Variants in LTBP1 observed in about 807,000 individuals in gnomAD.
The protein encoded by LTBP1 is latent-transforming growth factor beta-binding protein 1.
A neutral mutation model predicts 207.6 loss-of-function variants in LTBP1; 129 were observed. The observed-to-expected ratio is 0.62, with a 90% CI of 0.54 to 0.72. The LOEUF (loss-of-function observed/expected upper bound fraction) is 0.72. LTBP1 is among the 30% of genes least tolerant of loss of function. The pLI is 0.00. For synonymous variants in LTBP1, 963 were observed against 833.7 expected (o/e 1.16, Z -2.67); for missense variants, 2,281 against 2,217.2 (o/e 1.03, Z -0.58).
In LTBP1 at chr2:33,275,023, C is replaced by T. The variant is rs1029326672; in HGVS notation, c.2802C>T (p.Thr934=). The change falls in exon 17 of 34, where the codon ACC becomes ACT. Residue 934 remains threonine, a synonymous_variant. Coordinates refer to ENST00000404816, the MANE Select transcript of LTBP1 (RefSeq NM_206943.4). ...HLCSQGRCEN[T]EGSFLCICPA... ...GCTCCCAGGGCCGCTGTGAAAACAC[C>T]GAGGGAAGTTTCTTGTGCATTTGCC... The T allele has an allele frequency of 1.1e-5, 18 of 1,613,900 alleles. No homozygotes were observed. Among genetic ancestry groups the T allele is most frequent in the East Asian group, 4.5e-5 (2 of 44,884 alleles).
chr2:33,090,217 T>C (rs569222466), intron 3 of LTBP1, among the ~76,000 whole-genome samples: 38 of 152,352 alleles, frequency 2.5e-4, no homozygotes, highest in African/African-American at 7.5e-4. Context: ...ATTTGAGTAA[T>C]TGGACGGAGT....
intron 24 of LTBP1, among the ~76,000 whole-genome samples, chr2:33,332,564 T>C (rs554650135): frequency 1.4e-5 from 2 of 145,694 alleles, no homozygotes; most frequent in Admixed American, 6.9e-5. Flanking sequence ...ATTTATTTAA[T>C]TTTTTTTTTT....
intron 31 of LTBP1, among the ~76,000 whole-genome samples, chr2:33,380,213 C>T (rs2095195988): frequency 6.6e-6 from 1 of 152,066 alleles, no homozygotes; most frequent in African/African-American, 2.4e-5. Flanking sequence ...GTGGTGATTA[C>T]CTTATATTAC....
Position 33,204,770 on chromosome 2 carries a change from A to G in LTBP1, c.1702-12782A>G, listed in dbSNP as rs866803946. 5.3e-5 allele frequency among the ~76,000 whole-genome samples: 8 copies of G among 152,292 alleles called. No homozygotes were observed. In the South Asian group the frequency reaches 8.3e-4, roughly 16 times the overall value. Reference sequence around the variant, plus strand: ...ATGGGGCAAGCCTCTTCGTAAGACAATGCATTTTTAGAAAACTGATAGCTG... The same window carrying G: ...ATGGGGCAAGCCTCTTCGTAAGACAGTGCATTTTTAGAAAACTGATAGCTG... On this transcript the variant is annotated intron_variant, in intron 7 of 33. Transcript: ENST00000404816.
rs1469125010 is a variant in LTBP1 at position 33,182,687 on chromosome 2, G to GAGATATATAT, written c.1202-4168_1202-4167insGATATATATA. Among the ~76,000 whole-genome samples, 157 of 67,000 alleles carry GAGATATATAT rather than the reference G, an allele frequency of 2.3e-3. 15 individuals carry two copies. The highest frequency in any genetic ancestry group is 7.1e-3 in the African/African-American group (119 of 16,814). 44.0% of individuals were successfully genotyped at this position (67,000 alleles called of 152,430 possible). A position where few individuals can be genotyped will look rare whatever the true frequency, so the allele number is the denominator to read the frequency against. Reference sequence around the variant, plus strand: ...AAAAAAAAAAAGAAGAAAAGATGGTGATATATATATATACACACACACACA... The same window carrying GAGATATATAT: ...AAAAAAAAAAAGAAGAAAAGATGGTGAGATATATATATATATATATATACACACACACACA... On this transcript the variant is annotated intron_variant, in intron 5 of 33. Coordinates refer to ENST00000404816, the MANE Select transcript of LTBP1 (RefSeq NM_206943.4).
chr2:33,006,178 C>G (rs1270381825), intron 2 of LTBP1, among the ~76,000 whole-genome samples: 1 of 152,090 alleles, frequency 6.6e-6, no homozygotes, highest in African/African-American at 2.4e-5. Context: ...TCATCTTAGC[C>G]TCCCAGAGTG....
At chr2:33,040,713 G>T (rs1174698264) in intron 3 of LTBP1, among the ~76,000 whole-genome samples, 1 of 152,196 alleles carries the variant, frequency 6.6e-6, no homozygotes, top group Non-Finnish European at 1.5e-5. Context: ...CTTGTGACAG[G>T]AGACATTCAG....
chr2:33,219,199 C>G (rs1389417914), intron 8 of LTBP1, among the ~76,000 whole-genome samples: 1 of 152,114 alleles, frequency 6.6e-6, no homozygotes, highest in Non-Finnish European at 1.5e-5. Flanking sequence ...TTAATGAATT[C>G]TTCATTTACA....
At chr2:33,019,049 T>C (rs182888443) in intron 2 of LTBP1, among the ~76,000 whole-genome samples, 21 of 152,302 alleles carry the variant, frequency 1.4e-4, no homozygotes, top group African/African-American at 5.1e-4. Context: ...TTTGAGGCTT[T>C]TAGGTCTTGG....
chr2:33,288,580 G>C (rs1339889798), intron 19 of LTBP1, among the ~76,000 whole-genome samples: 1 of 152,172 alleles, frequency 6.6e-6, no homozygotes, highest in African/African-American at 2.4e-5. Context: ...TGGAGGCCAG[G>C]TGCGGTGGCT....
intron 7 of LTBP1, among the ~76,000 whole-genome samples, chr2:33,214,918 C>A (rs1476266560): frequency 6.6e-6 from 1 of 150,992 alleles, no homozygotes; most frequent in Non-Finnish European, 1.5e-5. Flanking sequence ...TTTTGCTTAA[C>A]TCAGAATGTC....
chr2:32,990,725 GA>G (rs1684278653), intron 2 of LTBP1, among the ~76,000 whole-genome samples: 1 of 152,158 alleles, frequency 6.6e-6, no homozygotes, highest in South Asian at 2.1e-4. Context: ...GCTGTGTGGG[GA>G]AAAGTTATAT....
chr2:32,947,589 A>C lies in LTBP1; in HGVS notation c.265A>C (p.Lys89Gln). ...VPSERTRRTS[K>Q]PGGAALQGLR... ...CTCGGAGAGGACCCGGCGCACGAGC[A>C]AGCCGGGCGGCGCGGCCCTGCAGGG... Residue 89 changes from lysine (K) to glutamine (Q), a missense_variant, in exon 1 of 34, where the codon AAG becomes CAG. Transcript: ENST00000404816. The C allele has an allele frequency of 7.6e-7, 1 of 1,314,808 alleles. No individual in the cohort carries two copies. Among genetic ancestry groups the C allele is most frequent in the Non-Finnish European group, 9.6e-7 (1 of 1,036,532 alleles). The allele number at this position is 1,314,808 out of a possible 1,614,324, so 81.4% of individuals were successfully genotyped here. A position where few individuals can be genotyped will look rare whatever the true frequency, so the allele number is the denominator to read the frequency against.
At chr2:32,971,697 G>T (rs1375859961) in intron 2 of LTBP1, among the ~76,000 whole-genome samples, 1 of 152,114 alleles carries the variant, frequency 6.6e-6, no homozygotes, top group Non-Finnish European at 1.5e-5. Context: ...TAGTTTGCTA[G>T]TATTTTGTTG....
chr2:32,966,513 A>G (rs991257204), intron 2 of LTBP1, among the ~76,000 whole-genome samples: 3 of 152,130 alleles, frequency 2.0e-5, no homozygotes, highest in African/African-American at 7.2e-5. Context: ...TGTTAGCTGT[A>G]TGTTTTTTAT....
rs1387056187 is a variant in LTBP1 at position 32,947,393 on chromosome 2, C to T, written c.69C>T (p.Gly23=). 1 of 1,401,448 alleles carries T rather than the reference C, an allele frequency of 7.1e-7. No individual in the cohort carries two copies. The allele number at this position is 1,401,448 out of a possible 1,614,324, so 86.8% of individuals were successfully genotyped here. ...WAGLLASSAH[G]RLRRITYVVH... is the part of the protein sequence containing the mutation. ...GGCTCCTCGCGTCCTCGGCGCACGG[C>T]CGGCTGCGGAGGATCACCTACGTGG... is the stretch of plus-strand genomic sequence containing the variant. Residue 23 remains glycine (G), a synonymous_variant, in exon 1 of 34, where the codon GGC becomes GGT. Coordinates refer to ENST00000404816, the MANE Select transcript of LTBP1 (RefSeq NM_206943.4).
intron 24 of LTBP1, among the ~76,000 whole-genome samples, chr2:33,335,324 A>T (rs1370563398): frequency 1.4e-5 from 2 of 147,854 alleles, no homozygotes; most frequent in Non-Finnish European, 2.9e-5. Context: ...GTGACCATCA[A>T]GGTCCCCGTG....
intron 7 of LTBP1, among the ~76,000 whole-genome samples, chr2:33,194,569 T>G (rs1280203439): frequency 6.6e-6 from 1 of 152,208 alleles, no homozygotes; most frequent in African/African-American, 2.4e-5. Context: ...GACCTAACTT[T>G]CTTCAATTCT....
At chr2:33,107,697 C>T (rs866614297) in intron 3 of LTBP1, among the ~76,000 whole-genome samples, 7 of 152,154 alleles carry the variant, frequency 4.6e-5, no homozygotes, top group Non-Finnish European at 8.8e-5. Flanking sequence ...GATATGAACC[C>T]TGGATTTATA....
Sources: allele counts gnomAD v4.1 joint callset (sites outside exome capture counted in the v4.1 genomes callset), GRCh38; gene constraint gnomAD v4.1.1; transcripts MANE v1.5; gene names NCBI Gene and HGNC (gene_info 2026-07-23, HGNC 2026-07-21).